ATP2B2: variants seen among roughly 807,000 people sequenced by gnomAD.
ATP2B2 encodes the protein plasma membrane calcium-transporting ATPase 2.
In ATP2B2, 15 loss-of-function variants were observed where a neutral mutation model predicts 120.0. The ratio of observed to expected loss-of-function variants is 0.12; its 90% CI spans 0.08 to 0.19. ATP2B2 has a LOEUF of 0.19. ATP2B2 is among the 10% of genes least tolerant of loss of function. The probability of loss-of-function intolerance (pLI) is 1.00; values close to 1 mark genes in which losing one functional copy is unlikely to be tolerated. For missense variants in ATP2B2, 1,045 were observed against 1,719.8 expected (o/e 0.61, Z 6.94); for synonymous variants, 694 against 700.3 (o/e 0.99, Z 0.14).
At chr3:10,553,807 T>G (rs777859831) in intron 2 of ATP2B2, among the ~76,000 whole-genome samples, 4 of 152,098 alleles carry the variant, frequency 2.6e-5, no homozygotes, top group Non-Finnish European at 5.9e-5. Context: ...TATCAACACT[T>G]CTGGGCCCGT....
intron 2 of ATP2B2, among the ~76,000 whole-genome samples, chr3:10,575,431 C>T (rs188354005): frequency 9.7e-4 from 148 of 152,188 alleles, no homozygotes; most frequent in African/African-American, 3.2e-3. Context: ...GAGGATTCAA[C>T]GAAAACAATC....
At chr3:10,524,657 C>T (rs943515746) in intron 3 of ATP2B2, among the ~76,000 whole-genome samples, 11 of 152,184 alleles carry the variant, frequency 7.2e-5, no homozygotes, top group African/African-American at 2.4e-4. Flanking sequence ...TTTATTACTT[C>T]CCTCCCTCAT....
intron 1 of ATP2B2, among the ~76,000 whole-genome samples, chr3:10,480,812 T>C (rs559444947): frequency 6.6e-6 from 1 of 152,374 alleles, no homozygotes; most frequent in African/African-American, 2.4e-5. Flanking sequence ...GCAACCAGAA[T>C]GATCTTCCTA....
intron 1 of ATP2B2, among the ~76,000 whole-genome samples, chr3:10,707,715 G>A (rs1454269920): frequency 1.3e-5 from 2 of 148,214 alleles, no homozygotes; most frequent in Non-Finnish European, 1.5e-5. Flanking sequence ...CCTGGTGCCC[G>A]CTCAAGGTCA....
chr3:10,600,274 C>G (rs1018366296), intron 2 of ATP2B2, among the ~76,000 whole-genome samples: 1 of 152,238 alleles, frequency 6.6e-6, no homozygotes, highest in African/African-American at 2.4e-5. Flanking sequence ...CCAAGGAGAG[C>G]TGGCACCTTA....
chr3:10,651,771 GGATA>G (rs1249370977), intron 1 of ATP2B2, among the ~76,000 whole-genome samples: 2 of 145,564 alleles, frequency 1.4e-5, no homozygotes, highest in Non-Finnish European at 3.0e-5. Context: ...ATGGATGGAT[GGATA>G]GATGGATGGA....
At chr3:10,354,968 C>T (rs1037922731) in intron 14 of ATP2B2, among the ~76,000 whole-genome samples, 1 of 152,134 alleles carries the variant, frequency 6.6e-6, no homozygotes, top group Non-Finnish European at 1.5e-5. Context: ...GACAAAAACA[C>T]GGCCACCATA....
chr3:10,515,127 T>C (rs1159841772), intron 3 of ATP2B2, among the ~76,000 whole-genome samples: 1 of 152,200 alleles, frequency 6.6e-6, no homozygotes, highest in Non-Finnish European at 1.5e-5. Context: ...AGATGTGGGA[T>C]TGAAGCCCAG....
At chr3:10,658,181 A>G (rs1183643290) in intron 1 of ATP2B2, among the ~76,000 whole-genome samples, 1 of 152,272 alleles carries the variant, frequency 6.6e-6, no homozygotes, top group East Asian at 1.9e-4. Context: ...TCTAAAAATC[A>G]GAGCACCTCT....
At chr3:10,655,119 G>A (rs1251843170) in intron 1 of ATP2B2, among the ~76,000 whole-genome samples, 1 of 152,184 alleles carries the variant, frequency 6.6e-6, no homozygotes, top group Non-Finnish European at 1.5e-5. Context: ...TAACCAGCTT[G>A]CGCAGAGGTC....
At chr3:10,592,494 A>G (rs1190804890) in intron 2 of ATP2B2, among the ~76,000 whole-genome samples, 1 of 152,222 alleles carries the variant, frequency 6.6e-6, no homozygotes, top group Non-Finnish European at 1.5e-5. Context: ...CCAGGCATGC[A>G]AAGGCCCAGA....
Position 10,329,030 on chromosome 3 carries a change from T to A in ATP2B2, c.3516A>T (p.Glu1172Asp), listed in dbSNP as rs369789634. ...TSIHNFMAHP[E>D]FRIEDSQPHI... ...GGGGCTGGGAATCTTCGATCCGGAATTCAGGATGAGCCATGAAGTTATGGA... is the reference window on the plus strand; with the variant it reads ...GGGGCTGGGAATCTTCGATCCGGAAATCAGGATGAGCCATGAAGTTATGGA... Residue 1172 changes from glutamate (E) to aspartate (D), a missense_variant, in exon 23 of 23, where the codon GAA becomes GAT. Around this residue, in one of 11 missense-constraint regions of ATP2B2, gnomAD observed 211 missense variants for 385.1 expected, o/e 0.55. Transcript: ENST00000360273. The surrounding 1 kb of genome is among the most constrained non-coding windows in gnomAD (Gnocchi z 5.9). 4.3e-6 allele frequency: 7 copies of A among 1,613,912 alleles called. No individual in the cohort carries two copies. The highest frequency in any genetic ancestry group is 1.3e-5 in the African/African-American group (1 of 74,854).
chr3:10,681,517 C>T (rs1413492910), intron 1 of ATP2B2, among the ~76,000 whole-genome samples: 2 of 152,240 alleles, frequency 1.3e-5, no homozygotes, highest in African/African-American at 2.4e-5. Flanking sequence ...CACTCACTCG[C>T]TCACTCACCT....
rs2060467246 is a variant in ATP2B2, at chr3:10,347,676, A to C, written c.2405-1539T>G. Among the ~76,000 whole-genome samples, 1 of 152,204 alleles carries C rather than the reference A, an allele frequency of 6.6e-6. No homozygotes were observed. Among genetic ancestry groups the C allele is most frequent in the Admixed American group, 6.5e-5 (1 of 15,284 alleles). ...AGGCCTGAGTTTCCATAGTTCCCTCAGTCAGCCTGGGGGCTCCTCCAAGGC... is the reference window on the plus strand; with the variant it reads ...AGGCCTGAGTTTCCATAGTTCCCTCCGTCAGCCTGGGGGCTCCTCCAAGGC... On this transcript the variant is annotated intron_variant, in intron 16 of 22. Transcript: ENST00000360273. The surrounding 1 kb of genome is among the most constrained non-coding windows in gnomAD (Gnocchi z 5.2).
intron 5 of ATP2B2, among the ~76,000 whole-genome samples, chr3:10,395,721 A>C (rs1330933504): frequency 6.6e-6 from 1 of 152,218 alleles, no homozygotes; most frequent in African/African-American, 2.4e-5. Context: ...GGGACCTTAA[A>C]ATGTGGGAAT....
At chr3:10,457,344 T>C (rs964684395) in intron 1 of ATP2B2, among the ~76,000 whole-genome samples, 1 of 151,928 alleles carries the variant, frequency 6.6e-6, no homozygotes, top group Non-Finnish European at 1.5e-5. Flanking sequence ...ATTATGGTGG[T>C]TTTCTTAGTA....
At chr3:10,469,199 T>G (rs1371549380) in intron 1 of ATP2B2, among the ~76,000 whole-genome samples, 1 of 152,230 alleles carries the variant, frequency 6.6e-6, no homozygotes, top group Admixed American at 6.5e-5. Flanking sequence ...CTGAATAAAA[T>G]TAATGATAAT....
chr3:10,513,266 G>A (rs1386852892), intron 3 of ATP2B2, among the ~76,000 whole-genome samples: 1 of 152,188 alleles, frequency 6.6e-6, no homozygotes, highest in Non-Finnish European at 1.5e-5. Context: ...GAGTTCAGTA[G>A]GTAAGAGGAG....
chr3:10,376,182 T>G (rs2125524392), intron 10 of ATP2B2, among the ~76,000 whole-genome samples: 1 of 152,118 alleles, frequency 6.6e-6, no homozygotes, highest in South Asian at 2.1e-4. Flanking sequence ...GCAGACATTC[T>G]AGAGGAGGAG....
Sources: allele counts gnomAD v4.1 joint callset (sites outside exome capture counted in the v4.1 genomes callset), GRCh38; gene constraint gnomAD v4.1.1; regional missense constraint gnomAD v4.1.1; non-coding constraint Gnocchi (gnomAD v3.1); transcripts MANE v1.5; gene names NCBI Gene and HGNC (gene_info 2026-07-23, HGNC 2026-07-21).